Variants in FAIM observed in about 807,000 individuals in gnomAD.
FAIM encodes fas apoptotic inhibitory molecule 1.
Under a neutral mutation model 21.2 loss-of-function variants are expected in FAIM, and 14 were observed. The ratio of observed to expected loss-of-function variants is 0.66; its 90% confidence interval spans 0.44 to 1.03. The LOEUF is 1.03. Among genes scored for constraint, FAIM ranks in the 50% least tolerant of loss-of-function variants. FAIM has a pLI of 0.00. For synonymous variants in FAIM, 86 were observed against 80.4 expected, an observed-to-expected ratio of 1.07 and a Z score of -0.37; for missense variants, 222 against 247.1, an observed-to-expected ratio of 0.90 and a Z score of 0.68.
At position 138,632,871 on chromosome 3, in the gene FAIM, G is replaced by A. The variant is rs1395526546; in HGVS notation, c.457-59G>A. ...ACTAGTACTTTTAGATGGTGTGAAT[G>A]CTCTAGACAGAGATAAAAGTTTCTG... is the stretch of plus-strand genomic sequence containing the variant. On this transcript the variant is annotated intron_variant, in intron 5 of 5. Coordinates refer to ENST00000360570, the MANE Select transcript of FAIM (RefSeq NM_001033031.2). 5 of 1,557,954 alleles carry A rather than the reference G, an allele frequency of 3.2e-6. No homozygotes were observed. In the East Asian group the frequency reaches 9.0e-5, roughly 28 times the overall value.
chr3:138,629,530 T>G (rs1577019221), intron 5 of FAIM: 1 of 160,118 alleles, frequency 6.2e-6, no homozygotes, highest in East Asian at 1.8e-4. Flanking sequence ...TTCTCAAACT[T>G]GCATGCACAG....
intron 5 of FAIM, 90 bp from the exon 6 acceptor site, chr3:138,632,840 T>C: frequency 8.1e-7 from 1 of 1,230,504 alleles, no homozygotes; most frequent in Non-Finnish European, 1.1e-6. Context: ...ATTATTTTAT[T>C]GCACTACTAG....
chr3:138,621,254 T>A, intron 2 of FAIM, 153 bp from the exon 3 acceptor site: 1 of 708,182 alleles, frequency 1.4e-6, no homozygotes, highest in Middle Eastern at 4.0e-4. Flanking sequence ...GAGAAAATAG[T>A]TACATGTACT....
chr3:138,621,231 A>G, intron 2 of FAIM, 176 bp from the exon 3 acceptor site: 1 of 628,772 alleles, frequency 1.6e-6, no homozygotes, highest in South Asian at 2.0e-5. Context: ...TTAAAGGAAG[A>G]GTGAATAAGA....
At chr3:138,613,011 CTTT>C (rs35341179) in intron 1 of FAIM, among the ~76,000 whole-genome samples, 1 of 142,054 alleles carries the variant, frequency 7.0e-6, no homozygotes, top group Admixed American at 6.9e-5. Flanking sequence ...AGTCCTTTGC[CTTT>C]TTTTTTTTTT....
At chr3:138,609,571 TCTCTCGA>T (rs1354367672) in intron 1 of FAIM, among the ~76,000 whole-genome samples, 1 of 92,832 alleles carries the variant, frequency 1.1e-5, no homozygotes, top group Non-Finnish European at 2.1e-5. Context: ...TCTCTCTCTC[TCTCTCGA>T]CTCTCTCTCT....
At chr3:138,621,195 A>G (rs867202068) in intron 2 of FAIM, 31 of 540,716 alleles carry the variant, frequency 5.7e-5, no homozygotes, top group Middle Eastern at 5.0e-4. Context: ...TAATCGGACT[A>G]TGTACCCATA....
Position 138,632,967 on chromosome 3 carries a change from GTA to G in FAIM, c.496_497del (p.Ile166ArgfsTer4). On this transcript the variant is annotated frameshift_variant, in exon 6 of 6. Transcript: ENST00000360570. LOFTEE classifies it high-confidence loss of function. Reference sequence around the variant, plus strand: ...GATGATGGGACTGAAACTCACTTCAGTATCGGGAACCATGACTGTTACATAAA... The same window carrying G: ...GATGATGGGACTGAAACTCACTTCAGTCGGGAACCATGACTGTTACATAAA... 1 of 1,613,740 alleles carries G rather than the reference GTA, an allele frequency of 6.2e-7. No individual in the cohort carries two copies. The highest frequency in any genetic ancestry group is 1.1e-5 in the South Asian group (1 of 91,026).
chr3:138,632,925 T>C lies in FAIM; in HGVS notation c.457-5T>C. On this transcript the variant is annotated splice_region_variant and splice_polypyrimidine_tract_variant and intron_variant, in intron 5 of 5. Transcript: ENST00000360570. ...CACTAATTCCTTCTTCTTTTGTTGC[T>C]CCAGGGTGAGTTTGTAGATGATGGG... is the stretch of plus-strand genomic sequence containing the variant. 1.2e-6 allele frequency: 2 copies of C among 1,612,140 alleles called. No individual in the cohort carries two copies. The highest frequency in any genetic ancestry group is 1.7e-5 in the Admixed American group (1 of 59,602).
At chr3:138,619,137 C>T (rs1255750758) in intron 1 of FAIM, among the ~76,000 whole-genome samples, 2 of 152,226 alleles carry the variant, frequency 1.3e-5, no homozygotes, top group Non-Finnish European at 2.9e-5. Flanking sequence ...AGCAGACCAG[C>T]ATATCCCTGT....
chr3:138,629,385 C>T (rs979683368), intron 5 of FAIM: 1 of 415,314 alleles, frequency 2.4e-6, no homozygotes, highest in Admixed American at 4.2e-5. Flanking sequence ...GCTTCATACT[C>T]TCCCTTTCCT....
chr3:138,621,125 A>C (rs2042880096), intron 2 of FAIM: 1 of 343,302 alleles, frequency 2.9e-6, no homozygotes, highest in South Asian at 3.3e-5. Context: ...TAGAATACTG[A>C]CCAGGATAAA....
At chr3:138,613,009 GCCTTT>G (rs2042786831) in intron 1 of FAIM, among the ~76,000 whole-genome samples, 1 of 113,320 alleles carries the variant, frequency 8.8e-6, no homozygotes, top group Admixed American at 1.1e-4. Context: ...GAAGTCCTTT[GCCTTT>G]TTTTTTTTTT....
At position 138,633,219 on chromosome 3, in the gene FAIM, G is replaced by A; in HGVS notation, c.*140G>A. The A allele has an allele frequency of 7.0e-6, 5 of 709,350 alleles. No individual in the cohort carries two copies. Among genetic ancestry groups the A allele is most frequent in the South Asian group, 4.1e-5 (1 of 24,266 alleles). The allele number at this position is 709,350 out of a possible 1,614,324, so 43.9% of individuals were successfully genotyped here. ...AGTTACATGAAACTAACATTCCAAG[G>A]GTCAGGAAAAAAACCAATTATGTAT... On this transcript the variant is annotated 3_prime_UTR_variant, in exon 6 of 6. Coordinates refer to ENST00000360570, the MANE Select transcript of FAIM (RefSeq NM_001033031.2).
At chr3:138,622,966 G>A (rs2042903524) in intron 4 of FAIM, among the ~76,000 whole-genome samples, 2 of 151,362 alleles carry the variant, frequency 1.3e-5, no homozygotes, top group Non-Finnish European at 2.9e-5. Flanking sequence ...CTTGAATCCA[G>A]GAGGCGGAGA....
At chr3:138,627,959 C>T (rs1258348993) in intron 4 of FAIM, among the ~76,000 whole-genome samples, 1 of 152,172 alleles carries the variant, frequency 6.6e-6, no homozygotes, top group Non-Finnish European at 1.5e-5. Flanking sequence ...TGTGCACATA[C>T]AGGCCATACT....
At chr3:138,612,619 CTA>C (rs757580366) in intron 1 of FAIM, among the ~76,000 whole-genome samples, 12 of 152,204 alleles carry the variant, frequency 7.9e-5, no homozygotes, top group Non-Finnish European at 1.5e-4. Flanking sequence ...CATCTTTTGG[CTA>C]TTGGAAAATG....
chr3:138,628,084 C>T (rs564587756), intron 4 of FAIM, among the ~76,000 whole-genome samples: 1 of 152,262 alleles, frequency 6.6e-6, no homozygotes, highest in Admixed American at 6.5e-5. Flanking sequence ...TCTGGGGACT[C>T]CTCCACCCTG....
rs556053694 is a variant in FAIM, at chr3:138,621,674, G to A, written c.177+135G>A. 1.0e-4 allele frequency: 73 copies of A among 698,886 alleles called. No homozygotes were observed. In the Middle Eastern group the frequency reaches 1.4e-3, roughly 14 times the overall value. The allele number at this position is 698,886 out of a possible 1,614,324, so 43.3% of individuals were successfully genotyped here. ...TTTTTGATCTGTATCATTTTGCTGT[G>A]TAAAGCAAACATAGTTATAGAATTC... On this transcript the variant is annotated intron_variant, in intron 3 of 5. Transcript: ENST00000360570.
Sources: allele counts gnomAD v4.1 joint callset (sites outside exome capture counted in the v4.1 genomes callset), GRCh38; gene constraint gnomAD v4.1.1; transcripts MANE v1.5; gene names NCBI Gene and HGNC (gene_info 2026-07-23, HGNC 2026-07-21).